LRRC49: variants seen among roughly 807,000 people sequenced by gnomAD.
The protein encoded by LRRC49 is leucine rich repeat containing 49.
Under a neutral mutation model 83.3 loss-of-function variants are expected in LRRC49, and 50 were observed. That is an observed-to-expected ratio of 0.60 (90% CI 0.48 to 0.76). The LOEUF is 0.76. Among genes scored for constraint, LRRC49 ranks in the 30% least tolerant of loss-of-function variants. LRRC49 has a pLI of 0.00. For synonymous variants in LRRC49, 286 were observed against 283.3 expected (o/e 1.01, Z -0.10); for missense variants, 704 against 809.1 (o/e 0.87, Z 1.58).
At chr15:70,864,578 C>T (rs1423199048) in intron 1 of LRRC49, among the ~76,000 whole-genome samples, 1 of 152,206 alleles carries the variant, frequency 6.6e-6, no homozygotes, top group Non-Finnish European at 1.5e-5. Flanking sequence ...TCTGAAGGCA[C>T]CACTCTTCTG....
At chr15:70,873,340 T>A in intron 2 of LRRC49, 1 of 1,183,958 alleles carries the variant, frequency 8.4e-7, no homozygotes, top group South Asian at 1.3e-5. Context: ...TATACAAGAA[T>A]GAAAAACTGA....
intron 15 of LRRC49, among the ~76,000 whole-genome samples, chr15:71,047,063 C>T (rs2039874106): frequency 1.3e-5 from 2 of 152,136 alleles, no homozygotes; most frequent in Admixed American, 1.3e-4. Flanking sequence ...TGTTTTTTAC[C>T]AGTACCAAAC....
intron 6 of LRRC49, among the ~76,000 whole-genome samples, chr15:70,912,658 A>ATATT (rs1374457029): frequency 6.6e-6 from 1 of 151,390 alleles, no homozygotes; most frequent in East Asian, 1.9e-4. Flanking sequence ...CTGAATTTCT[A>ATATT]TATTTATTTT....
chr15:71,001,983 G>A (rs576369716), intron 11 of LRRC49, among the ~76,000 whole-genome samples: 1 of 152,242 alleles, frequency 6.6e-6, no homozygotes, highest in Non-Finnish European at 1.5e-5. Context: ...GAGCCACCGT[G>A]CCCGGCTGTC....
chr15:70,973,972 C>A (rs1039047299), intron 9 of LRRC49, among the ~76,000 whole-genome samples: 1 of 151,722 alleles, frequency 6.6e-6, no homozygotes, highest in African/African-American at 2.4e-5. Flanking sequence ...ACTAAAAATA[C>A]AAAAATTAGC....
intron 9 of LRRC49, among the ~76,000 whole-genome samples, chr15:70,978,950 G>A (rs987917320): frequency 3.3e-5 from 5 of 151,722 alleles, no homozygotes; most frequent in Admixed American, 3.3e-4. Flanking sequence ...ATAATTTTTT[G>A]TTTCTAAAAG....
At chr15:70,996,780 C>T (rs1243543413) in intron 11 of LRRC49, among the ~76,000 whole-genome samples, 1 of 152,076 alleles carries the variant, frequency 6.6e-6, no homozygotes, top group Non-Finnish European at 1.5e-5. Context: ...TTATTTTTCC[C>T]ACTTTGTACA....
chr15:70,981,051 G>A (rs1002611519), intron 10 of LRRC49, among the ~76,000 whole-genome samples: 1 of 152,174 alleles, frequency 6.6e-6, no homozygotes, highest in East Asian at 1.9e-4. Context: ...CTTTAGTTAC[G>A]AGGTTTACTT....
intron 1 of LRRC49, among the ~76,000 whole-genome samples, chr15:70,871,684 C>T (rs556065121): frequency 2.9e-4 from 43 of 148,252 alleles, no homozygotes; most frequent in Admixed American, 2.5e-3. Context: ...TCAGACGGGG[C>T]GGCCAGGAAG....
intron 1 of LRRC49, among the ~76,000 whole-genome samples, chr15:70,862,349 C>T (rs1396113507): frequency 8.6e-5 from 13 of 152,040 alleles, no homozygotes; most frequent in Non-Finnish European, 1.6e-4. Context: ...GAGGCCGAGG[C>T]GGGCGTATCA....
chr15:70,895,538 AG>A, intron 2 of LRRC49: 1 of 189,010 alleles, frequency 5.3e-6, no homozygotes, highest in East Asian at 1.3e-4. Flanking sequence ...ACAATGATAG[AG>A]GTGCAGCCAT....
At chr15:70,980,630 A>G (rs910325962) in intron 10 of LRRC49, among the ~76,000 whole-genome samples, 1 of 151,772 alleles carries the variant, frequency 6.6e-6, no homozygotes, top group Non-Finnish European at 1.5e-5. Context: ...TAGAAGTGAT[A>G]AAGATTTTGT....
rs540636858 is a variant in LRRC49, at chr15:71,033,495, T to C, written c.1704-3684T>C. Among the ~76,000 whole-genome samples, 5 of 152,326 alleles carry C rather than the reference T, an allele frequency of 3.3e-5. No individual in the cohort carries two copies. The East Asian group carries it at 9.6e-4, about 29-fold the overall frequency. The stretch of plus-strand genomic sequence containing the variant: ...ATTTACAGATTCAATGCTACTTCCA[T>C]TAAACTACCATTGACATTCTTCACA... On this transcript the variant is annotated intron_variant, in intron 14 of 15. Transcript: ENST00000260382.
chr15:70,937,460 TCTC>T (rs546136789), intron 8 of LRRC49, among the ~76,000 whole-genome samples: 21 of 152,312 alleles, frequency 1.4e-4, no homozygotes, highest in African/African-American at 5.0e-4. Context: ...ATTCTTTCCT[TCTC>T]CTCCTTCCCA....
At chr15:70,941,236 T>C (rs2035802839) in intron 8 of LRRC49, among the ~76,000 whole-genome samples, 1 of 152,208 alleles carries the variant, frequency 6.6e-6, no homozygotes, top group Non-Finnish European at 1.5e-5. Flanking sequence ...ATTTGTTTGA[T>C]CATCCTCAGG....
intron 4 of LRRC49, among the ~76,000 whole-genome samples, chr15:70,902,076 T>C (rs749851412): frequency 3.3e-5 from 5 of 152,210 alleles, no homozygotes; most frequent in Non-Finnish European, 5.9e-5. Context: ...AAAGTAACAC[T>C]GAAGGGCAGT....
intron 14 of LRRC49, among the ~76,000 whole-genome samples, chr15:71,021,990 A>T (rs2039009016): frequency 6.6e-6 from 1 of 152,196 alleles, no homozygotes; most frequent in East Asian, 1.9e-4. Context: ...ATTTTAAAGG[A>T]CGTGGATGCA....
chr15:70,923,943 C>T (rs898654938), intron 7 of LRRC49, among the ~76,000 whole-genome samples: 2 of 151,914 alleles, frequency 1.3e-5, no homozygotes, highest in African/African-American at 4.8e-5. Context: ...CACTATCAAA[C>T]TCAGGAAATT....
intron 11 of LRRC49, among the ~76,000 whole-genome samples, chr15:70,994,938 C>G (rs934914812): frequency 2.0e-5 from 3 of 152,132 alleles, no homozygotes; most frequent in African/African-American, 7.2e-5. Flanking sequence ...AGGGAGCTAA[C>G]TGGGAAAATG....
Sources: allele counts gnomAD v4.1 joint callset (sites outside exome capture counted in the v4.1 genomes callset), GRCh38; gene constraint gnomAD v4.1.1; transcripts MANE v1.5; gene names NCBI Gene and HGNC (gene_info 2026-07-23, HGNC 2026-07-21).